Variants in CAPZB observed in about 807,000 individuals in gnomAD.
The protein encoded by CAPZB is capping actin protein of muscle Z-line subunit beta, also known as F-actin-capping protein subunit beta.
A neutral mutation model predicts 38.1 loss-of-function variants in CAPZB; 2 were observed. The ratio of observed to expected loss-of-function variants is 0.05; its 90% CI spans 0.02 to 0.17. The LOEUF is 0.17. Ranked by LOEUF, CAPZB falls within the 10% of genes least tolerant of loss-of-function variation. The pLI, the probability that CAPZB is intolerant of heterozygous loss-of-function variation, is 1.00. For missense variants in CAPZB, 161 were observed against 334.2 expected (o/e 0.48, Z 4.04); for synonymous variants, 107 against 127.4 (o/e 0.84, Z 1.08).
chr1:19,360,707 G>C (rs1240479546), intron 4 of CAPZB, among the ~76,000 whole-genome samples: 3 of 152,206 alleles, frequency 2.0e-5, no homozygotes, highest in African/African-American at 7.2e-5. Context: ...AAGTTTTATA[G>C]GGTGGAACTG....
rs2094206431 is a variant in CAPZB, at chr1:19,386,773, G to T, written c.94-1147C>A. ...AAAGCAACGCCCAGCACAACTAAAG[G>T]ACTGTAACCCTGCCTCATAACTCAC... On this transcript the variant is annotated intron_variant, in intron 2 of 8. Transcript: ENST00000264202. Among the ~76,000 whole-genome samples the T allele has an allele frequency of 2.6e-5, 4 of 152,176 alleles. No individual in the cohort carries two copies. In the South Asian group the frequency reaches 8.3e-4, roughly 32 times the overall value.
At chr1:19,375,566 C>T (rs12084477) in intron 4 of CAPZB, among the ~76,000 whole-genome samples, 2,676 of 152,348 alleles carry the variant, frequency 0.018, 77 homozygotes, top group African/African-American at 0.061. Flanking sequence ...CTGGGTTATC[C>T]AGTTCGACCC....
chr1:19,419,526 T>G, intron 2 of CAPZB, 135 bp downstream of exon 2: 2 of 616,862 alleles, frequency 3.2e-6, no homozygotes, highest in Non-Finnish European at 2.9e-6. Flanking sequence ...TGGAGGAATC[T>G]CATAGTCCAG....
chr1:19,388,886 T>C (rs540086537), intron 2 of CAPZB, among the ~76,000 whole-genome samples: 14 of 152,292 alleles, frequency 9.2e-5, no homozygotes, highest in African/African-American at 3.4e-4. Context: ...CAGAAAAACA[T>C]ACATTTAAAC....
intron 8 of CAPZB, among the ~76,000 whole-genome samples, chr1:19,340,916 G>A (rs2100217955): frequency 6.6e-6 from 1 of 152,178 alleles, no homozygotes; most frequent in South Asian, 2.1e-4. Context: ...GCACTCAGCC[G>A]GACTCTCACG....
At chr1:19,411,126 T>C (rs184377098) in intron 2 of CAPZB, among the ~76,000 whole-genome samples, 6 of 152,280 alleles carry the variant, frequency 3.9e-5, no homozygotes, top group Non-Finnish European at 8.8e-5. Flanking sequence ...GAAGGACTGC[T>C]TGAGTGTGGA....
intron 2 of CAPZB, among the ~76,000 whole-genome samples, chr1:19,413,675 G>T (rs962939800): frequency 6.6e-6 from 1 of 152,170 alleles, no homozygotes; most frequent in Non-Finnish European, 1.5e-5. Context: ...AATAAAGGAC[G>T]AAAAATGCTG....
chr1:19,352,238 C>T (rs1420377501), intron 6 of CAPZB, among the ~76,000 whole-genome samples: 3 of 152,230 alleles, frequency 2.0e-5, no homozygotes, highest in African/African-American at 7.2e-5. Context: ...GATACACAGG[C>T]AAGTGCCTCT....
chr1:19,399,837 T>C (rs1381372394), intron 2 of CAPZB, among the ~76,000 whole-genome samples: 1 of 152,236 alleles, frequency 6.6e-6, no homozygotes, highest in African/African-American at 2.4e-5. Flanking sequence ...CGAAGTTTCA[T>C]AGTTCAAGAC....
intron 2 of CAPZB, among the ~76,000 whole-genome samples, chr1:19,398,962 G>C (rs1271546721): frequency 1.3e-5 from 2 of 151,136 alleles, no homozygotes; most frequent in Non-Finnish European, 2.9e-5. Context: ...GTTCAAGCAA[G>C]TCTCCTGCCT....
chr1:19,446,843 AT>A (rs547933901), intron 1 of CAPZB, among the ~76,000 whole-genome samples: 2 of 152,048 alleles, frequency 1.3e-5, no homozygotes, highest in Admixed American at 6.5e-5. Flanking sequence ...GGAAAGATTG[AT>A]TTTTTCCCCT....
At chr1:19,392,110 G>C (rs928001632) in intron 2 of CAPZB, among the ~76,000 whole-genome samples, 1 of 151,950 alleles carries the variant, frequency 6.6e-6, no homozygotes, top group African/African-American at 2.4e-5. Flanking sequence ...TTGAATCTGG[G>C]AGATAGAGGT....
In CAPZB at chr1:19,419,910, G is replaced by T. The variant is rs1462688207; in HGVS notation, c.4-160C>A. 4 of 589,220 alleles carry T rather than the reference G, an allele frequency of 6.8e-6. No individual in the cohort carries two copies. In the East Asian group the frequency reaches 8.6e-5, roughly 13 times the overall value. The allele number at this position is 589,220 out of a possible 1,614,324, so 36.5% of individuals were successfully genotyped here. On this transcript the variant is annotated intron_variant, in intron 1 of 8. Transcript: ENST00000264202. The stretch of plus-strand genomic sequence containing the variant: ...GTGTGCCAGCAGCCTGGAGCGGGGG[G>T]CGACTGTGCAGGCTGTTTGCTCCCC...
At chr1:19,371,019 T>A (rs2094116990) in intron 4 of CAPZB, among the ~76,000 whole-genome samples, 1 of 152,096 alleles carries the variant, frequency 6.6e-6, no homozygotes, top group Admixed American at 6.6e-5. Flanking sequence ...CATGACACCA[T>A]CCCCGGCAGG....
At chr1:19,342,087 T>C (rs1232551196) in intron 8 of CAPZB, among the ~76,000 whole-genome samples, 2 of 152,256 alleles carry the variant, frequency 1.3e-5, no homozygotes, top group Non-Finnish European at 2.9e-5. Flanking sequence ...AAGACTATTT[T>C]CCTTTCCATT....
chr1:19,371,441 A>T (rs1429106988), intron 4 of CAPZB, among the ~76,000 whole-genome samples: 1 of 152,250 alleles, frequency 6.6e-6, no homozygotes, highest in Non-Finnish European at 1.5e-5. Flanking sequence ...CAGGGGTCTG[A>T]CGCACAGTGT....
At chr1:19,442,009 CAA>C (rs11384902) in intron 1 of CAPZB, among the ~76,000 whole-genome samples, 4 of 86,044 alleles carry the variant, frequency 4.6e-5, no homozygotes, top group Admixed American at 1.4e-4. Flanking sequence ...ACTCTGTCTC[CAA>C]AAAAAAAAAA....
At chr1:19,470,437 A>C (rs1208529742) in intron 1 of CAPZB, among the ~76,000 whole-genome samples, 1 of 152,164 alleles carries the variant, frequency 6.6e-6, no homozygotes. Flanking sequence ...TGTTCGACCC[A>C]ATTGCCACGA....
chr1:19,365,551 C>T (rs539686309), intron 4 of CAPZB, among the ~76,000 whole-genome samples: 64 of 152,240 alleles, frequency 4.2e-4, no homozygotes, highest in African/African-American at 1.4e-3. Context: ...GGAAACCAGG[C>T]CGGGCATGGT....
Sources: gnomAD v4.1 joint callset for allele counts (sites outside exome capture counted in the v4.1 genomes callset) on GRCh38, gnomAD v4.1.1 for gene constraint, MANE v1.5 for transcripts, NCBI Gene and HGNC (gene_info 2026-07-23, HGNC 2026-07-21) for gene names.